The following PLA2G4C variants were observed in gnomAD, a reference collection of about 807,000 sequenced individuals.
PLA2G4C encodes the protein cytosolic phospholipase A2 gamma.
PLA2G4C carries 64 observed loss-of-function variants against 73.8 expected under a neutral mutation model. The observed-to-expected ratio is 0.87, with a 90% confidence interval of 0.71 to 1.07. The LOEUF (loss-of-function observed/expected upper bound fraction) is 1.07. Ranked by LOEUF, PLA2G4C falls within the 50% of genes least tolerant of loss-of-function variation. The pLI, the probability that PLA2G4C is intolerant of heterozygous loss-of-function variation, is 0.00. For missense variants in PLA2G4C, 622 were observed against 665.4 expected (o/e 0.93, Z 0.72); for synonymous variants, 254 against 252.1 (o/e 1.01, Z -0.07).
Position 48,110,561 on chromosome 19 carries a change from TC to T in PLA2G4C, c.-108del, listed in dbSNP as rs1568461767. On this transcript the variant is annotated 5_prime_UTR_variant, in exon 1 of 17. Transcript: ENST00000599921. ...CGGAATCCGGTGCGGAGGCTTGGGC[TC>T]CCTGCGCTTAGCGGTGTAGTCGCTG... 5 of 1,473,446 alleles carry T rather than the reference TC, an allele frequency of 3.4e-6. 1 individual carries two copies. The African/African-American group carries it at 7.3e-5, about 21-fold the overall frequency. 91.3% of individuals were successfully genotyped at this position (1,473,446 alleles called of 1,614,324 possible).
intron 14 of PLA2G4C, among the ~76,000 whole-genome samples, chr19:48,057,822 G>A (rs117298080): frequency 9.0e-4 from 134 of 149,536 alleles, no homozygotes; most frequent in Non-Finnish European, 1.6e-3. Flanking sequence ...GAATATTTGA[G>A]TCTAACAGTT....
chr19:48,065,905 C>G (rs948621507), intron 13 of PLA2G4C, among the ~76,000 whole-genome samples: 1 of 151,982 alleles, frequency 6.6e-6, no homozygotes, highest in Non-Finnish European at 1.5e-5. Flanking sequence ...ACCAGCCTGA[C>G]CAACATGGAG....
intron 10 of PLA2G4C, 46 bp from the exon 11 acceptor site, chr19:48,077,870 T>C: frequency 6.6e-7 from 1 of 1,514,454 alleles, no homozygotes; most frequent in Non-Finnish European, 9.1e-7. Context: ...GTAAAGTCAC[T>C]AGTTATAGAA....
At chr19:48,067,717 C>T (rs1351727165) in intron 13 of PLA2G4C, 74 bp downstream of exon 13, 3 of 1,004,732 alleles carry the variant, frequency 3.0e-6, no homozygotes, top group Non-Finnish European at 4.8e-6. Flanking sequence ...TTGTTTCAGG[C>T]CCACCCCCTT....
At chr19:48,050,171 C>T (rs542377014) in intron 16 of PLA2G4C, among the ~76,000 whole-genome samples, 2 of 152,304 alleles carry the variant, frequency 1.3e-5, no homozygotes, top group East Asian at 1.9e-4. Flanking sequence ...CTGCCCACCT[C>T]GGCCTCCCAA....
intron 15 of PLA2G4C, among the ~76,000 whole-genome samples, chr19:48,053,426 A>C (rs530261804): frequency 7.0e-6 from 1 of 143,376 alleles, no homozygotes. Context: ...CTGGAGTCCA[A>C]TGGCACAATC....
intron 13 of PLA2G4C, among the ~76,000 whole-genome samples, chr19:48,066,842 G>A (rs757428157): frequency 6.6e-6 from 1 of 151,978 alleles, no homozygotes; most frequent in Non-Finnish European, 1.5e-5. Flanking sequence ...GGTGCTGTGT[G>A]CCTGTGTTCC....
intron 1 of PLA2G4C, among the ~76,000 whole-genome samples, chr19:48,107,443 G>A (rs1175932102): frequency 2.6e-5 from 4 of 151,590 alleles, no homozygotes; most frequent in Admixed American, 6.6e-5. Flanking sequence ...CAGATCACTT[G>A]AGGTCAAGAG....
chr19:48,089,486 T>C (rs2031173896), intron 8 of PLA2G4C, among the ~76,000 whole-genome samples: 1 of 152,106 alleles, frequency 6.6e-6, no homozygotes, highest in East Asian at 1.9e-4. Flanking sequence ...GGAGGTCCCA[T>C]GAATATACAT....
chr19:48,088,291 A>G (rs1440637690), intron 9 of PLA2G4C, among the ~76,000 whole-genome samples: 1 of 152,072 alleles, frequency 6.6e-6, no homozygotes, highest in African/African-American at 2.4e-5. Context: ...AACTCTTACA[A>G]TCTTCACCCC....
intron 9 of PLA2G4C, among the ~76,000 whole-genome samples, chr19:48,086,154 G>C (rs1435873883): frequency 6.6e-6 from 1 of 152,224 alleles, no homozygotes; most frequent in Non-Finnish European, 1.5e-5. Flanking sequence ...AGGTGGGATA[G>C]ATGGGGAGGG....
rs150043656 is a variant in PLA2G4C, at chr19:48,093,152, G to A, written c.709+2312C>T. Among the ~76,000 whole-genome samples, 34 of 152,214 alleles carry A rather than the reference G, an allele frequency of 2.2e-4. No homozygotes were observed. In the East Asian group the frequency reaches 5.6e-3, roughly 25 times the overall value. The stretch of plus-strand genomic sequence containing the variant: ...CAGGCTTGGCAATGTGAAGGACCCC[G>A]TCTGTCCAGACCAGAGAAAAGGGGA... On this transcript the variant is annotated intron_variant, in intron 7 of 16. Transcript: ENST00000599921.
chr19:48,068,489 C>T (rs1291853771), intron 12 of PLA2G4C, among the ~76,000 whole-genome samples: 1 of 151,742 alleles, frequency 6.6e-6, no homozygotes, highest in African/African-American at 2.4e-5. Context: ...TTGAGACCAG[C>T]TTGGGCAAGA....
intron 13 of PLA2G4C, among the ~76,000 whole-genome samples, chr19:48,066,191 A>G (rs1968415030): frequency 6.6e-6 from 1 of 152,030 alleles, no homozygotes; most frequent in Non-Finnish European, 1.5e-5. Flanking sequence ...CCCACTTCCC[A>G]TCAGGGACTG....
chr19:48,089,508 C>A (rs914555627), intron 8 of PLA2G4C, among the ~76,000 whole-genome samples: 11 of 152,084 alleles, frequency 7.2e-5, no homozygotes, highest in African/African-American at 2.4e-4. Context: ...AAATGAATGA[C>A]GAGTGGTTTA....
At chr19:48,109,904 T>C (rs2032406604) in intron 1 of PLA2G4C, among the ~76,000 whole-genome samples, 3 of 151,846 alleles carry the variant, frequency 2.0e-5, no homozygotes, top group African/African-American at 4.8e-5. Context: ...CCGCCTCGTC[T>C]TCCCAAAGGG....
chr19:48,100,691 C>T (rs1458352941), intron 4 of PLA2G4C, among the ~76,000 whole-genome samples: 4 of 145,888 alleles, frequency 2.7e-5, no homozygotes, highest in African/African-American at 7.6e-5. Flanking sequence ...GTGCGGATCA[C>T]GAGGTCAGGA....
At chr19:48,059,681 G>A (rs1259218140) in intron 14 of PLA2G4C, among the ~76,000 whole-genome samples, 1 of 151,768 alleles carries the variant, frequency 6.6e-6, no homozygotes, top group East Asian at 1.9e-4. Context: ...TTGGCCTTTG[G>A]ACCCTTAGAC....
At chr19:48,100,019 C>A in intron 4 of PLA2G4C, 159 bp from the exon 5 acceptor site, 1 of 529,046 alleles carries the variant, frequency 1.9e-6, no homozygotes. Flanking sequence ...AATACAACTG[C>A]AGAACGATCA....
Sources: gnomAD v4.1 joint callset for allele counts (sites outside exome capture counted in the v4.1 genomes callset) on GRCh38, gnomAD v4.1.1 for gene constraint, MANE v1.5 for transcripts, NCBI Gene and HGNC (gene_info 2026-07-23, HGNC 2026-07-21) for gene names.